The following PRKG2 variants were observed in gnomAD, a reference collection of about 807,000 sequenced individuals.
PRKG2 encodes the protein protein kinase cGMP-dependent 2, also known as cGMP-dependent protein kinase 2.
In PRKG2, 33 loss-of-function variants were observed where a neutral mutation model predicts 97.2. That is an observed-to-expected ratio of 0.34 (90% confidence interval 0.26 to 0.45). The LOEUF (loss-of-function observed/expected upper bound fraction) is 0.45, where lower values mean the gene tolerates loss of function less well. Among genes scored for constraint, PRKG2 ranks in the 20% least tolerant of loss-of-function variants. The pLI, the probability that PRKG2 is intolerant of heterozygous loss-of-function variation, is 1.00. For missense variants in PRKG2, 638 were observed against 900.0 expected, an observed-to-expected ratio of 0.71 and a Z score of 3.73; for synonymous variants, 330 against 321.8, an observed-to-expected ratio of 1.03 and a Z score of -0.27.
intron 14 of PRKG2, among the ~76,000 whole-genome samples, chr4:81,126,447 G>A (rs13164824): frequency 7.9e-5 from 12 of 152,156 alleles, no homozygotes; most frequent in East Asian, 1.9e-4. Flanking sequence ...TTGAGGAATC[G>A]CCATACTGTC....
intron 2 of PRKG2, among the ~76,000 whole-genome samples, chr4:81,194,756 A>G (rs535235708): frequency 6.6e-6 from 1 of 152,322 alleles, no homozygotes; most frequent in South Asian, 2.1e-4. Flanking sequence ...TTGCATGGTA[A>G]TTAGGTATAA....
chr4:81,167,281 A>C (rs1223655707), intron 5 of PRKG2, 57 bp from the exon 6 acceptor site: 1 of 1,080,684 alleles, frequency 9.3e-7, no homozygotes, highest in Non-Finnish European at 1.3e-6. Flanking sequence ...ATAAATATAC[A>C]CATATGCAGA....
intron 17 of PRKG2, among the ~76,000 whole-genome samples, chr4:81,094,681 A>G (rs1374124289): frequency 6.6e-6 from 1 of 152,072 alleles, no homozygotes; most frequent in Admixed American, 6.6e-5. Context: ...AAAAAGTGAT[A>G]TTTGAAAGAG....
At chr4:81,110,309 G>A in intron 15 of PRKG2, 139 bp downstream of exon 15, 2 of 877,130 alleles carry the variant, frequency 2.3e-6, no homozygotes, top group South Asian at 2.1e-5. Flanking sequence ...GTGAAACAAT[G>A]TCATGAGAAA....
In PRKG2 at chr4:81,169,850, A is replaced by G. The variant is rs146694765; in HGVS notation, c.743-82T>C. ...CAAAATATAAATCGATGGATTTGTT[A>G]TATGTTCTTATAAAATGGTACTTCT... On this transcript the variant is annotated intron_variant, in intron 4 of 18. Coordinates refer to ENST00000264399, the MANE Select transcript of PRKG2 (RefSeq NM_006259.3). 2.6e-5 allele frequency: 22 copies of G among 830,912 alleles called. No homozygotes were observed. The East Asian group carries it at 4.0e-4, about 15-fold the overall frequency. 51.5% of individuals were successfully genotyped at this position (830,912 alleles called of 1,614,324 possible).
At chr4:81,098,317 T>C (rs28749263) in intron 17 of PRKG2, among the ~76,000 whole-genome samples, 34,361 of 146,798 alleles carry the variant, frequency 0.23, 6,921 homozygotes, top group African/African-American at 0.57. Flanking sequence ...CTTGTGATCG[T>C]GTGAGTTAAT....
At chr4:81,117,087 G>A (rs1432710765) in intron 14 of PRKG2, among the ~76,000 whole-genome samples, 4 of 146,000 alleles carry the variant, frequency 2.7e-5, no homozygotes, top group African/African-American at 7.8e-5. Context: ...CAACCTCCTG[G>A]GCTAAAGCAA....
rs183061461 is a variant in PRKG2 at position 81,154,827 on chromosome 4, C to T, written c.913-1106G>A. On this transcript the variant is annotated intron_variant, in intron 6 of 18. Coordinates refer to ENST00000264399, the MANE Select transcript of PRKG2 (RefSeq NM_006259.3). ...CAGACGATCAAATTACTCTGAGCTA[C>T]GGGAGGACATTTAAACCAAAGGCAA... Among the ~76,000 whole-genome samples, 706 of 152,154 alleles carry T rather than the reference C, an allele frequency of 4.6e-3. 3 individuals are homozygous for T. Among genetic ancestry groups the T allele is most frequent in the African/African-American group, 0.016 (643 of 41,478 alleles).
At chr4:81,109,879 G>T (rs184470550) in intron 15 of PRKG2, among the ~76,000 whole-genome samples, 1 of 152,122 alleles carries the variant, frequency 6.6e-6, no homozygotes, top group Admixed American at 6.5e-5. Context: ...ATCTCTTTGG[G>T]AATGACAATT....
intron 14 of PRKG2, among the ~76,000 whole-genome samples, chr4:81,122,576 C>A (rs1223767601): frequency 1.3e-5 from 2 of 152,202 alleles, no homozygotes; most frequent in African/African-American, 4.8e-5. Flanking sequence ...CAAAGACACA[C>A]TTCCAAACCC....
chr4:81,204,420 C>A (rs1022389824), intron 2 of PRKG2, among the ~76,000 whole-genome samples, 167 bp downstream of exon 2: 1 of 152,116 alleles, frequency 6.6e-6, no homozygotes, highest in African/African-American at 2.4e-5. Flanking sequence ...TAAACTTCTG[C>A]CCAATGGGAG....
intron 6 of PRKG2, among the ~76,000 whole-genome samples, chr4:81,158,222 T>A (rs1014955996): frequency 1.3e-5 from 2 of 149,218 alleles, no homozygotes; most frequent in African/African-American, 5.2e-5. Context: ...GATAAGCAAC[T>A]TCAGCAAAGT....
intron 13 of PRKG2, among the ~76,000 whole-genome samples, chr4:81,136,119 C>T (rs1746668239): frequency 2.0e-5 from 3 of 152,144 alleles, no homozygotes; most frequent in Non-Finnish European, 2.9e-5. Flanking sequence ...AGATAGAAGA[C>T]GCTAATGCAT....
chr4:81,108,143 T>C (rs1179910163), intron 15 of PRKG2, among the ~76,000 whole-genome samples: 1 of 152,110 alleles, frequency 6.6e-6, no homozygotes, highest in Non-Finnish European at 1.5e-5. Context: ...AGGCAGAGGT[T>C]GCAGTGAGCT....
At chr4:81,124,266 G>T (rs1745343683) in intron 14 of PRKG2, among the ~76,000 whole-genome samples, 1 of 152,142 alleles carries the variant, frequency 6.6e-6, no homozygotes, top group Non-Finnish European at 1.5e-5. Flanking sequence ...CTGTTGAGGT[G>T]TCAGCTGAAA....
At chr4:81,136,314 G>A (rs927231218) in intron 13 of PRKG2, among the ~76,000 whole-genome samples, 8 of 152,194 alleles carry the variant, frequency 5.3e-5, no homozygotes, top group Admixed American at 1.3e-4. Flanking sequence ...TTAAAAAATC[G>A]TTTACTGGAC....
Position 81,212,431 on chromosome 4 carries a change from A to C in PRKG2, c.-14+2505T>G, listed in dbSNP as rs570185664. Among the ~76,000 whole-genome samples, 3 of 152,300 alleles carry C rather than the reference A, an allele frequency of 2.0e-5. No homozygotes were observed. The South Asian group carries it at 6.2e-4, about 32-fold the overall frequency. The stretch of plus-strand genomic sequence containing the variant: ...AAATGTAGGTCTGTAAGTCTAGGTC[A>C]GAAGATTATAGCTGACAGAATTTTT... On this transcript the variant is annotated intron_variant, in intron 1 of 18. Transcript: ENST00000264399.
chr4:81,135,721 C>T (rs1052937277), intron 13 of PRKG2, among the ~76,000 whole-genome samples: 6 of 152,184 alleles, frequency 3.9e-5, no homozygotes, highest in Non-Finnish European at 7.4e-5. Context: ...TTGCATAGCA[C>T]GTCAGAGTAA....
At chr4:81,101,405 T>A (rs1408553642) in intron 17 of PRKG2, among the ~76,000 whole-genome samples, 1 of 152,194 alleles carries the variant, frequency 6.6e-6, no homozygotes, top group African/African-American at 2.4e-5. Context: ...GATGAGTTCA[T>A]GTCCTTTGTA....
Sources: allele counts gnomAD v4.1 joint callset (sites outside exome capture counted in the v4.1 genomes callset), GRCh38; gene constraint gnomAD v4.1.1; transcripts MANE v1.5; gene names NCBI Gene and HGNC (gene_info 2026-07-23, HGNC 2026-07-21).